Variants in NSL1 observed in about 807,000 individuals in gnomAD.
The protein encoded by NSL1 is NSL1 component of MIS12 kinetochore complex.
Under a neutral mutation model 25.4 loss-of-function variants are expected in NSL1, and 11 were observed. The ratio of observed to expected loss-of-function variants is 0.43; its 90% CI spans 0.27 to 0.72. NSL1 has a LOEUF of 0.72. NSL1 is among the 30% of genes least tolerant of loss of function. NSL1 has a pLI of 0.19. For synonymous variants in NSL1, 118 were observed against 120.6 expected (o/e 0.98, Z 0.14); for missense variants, 330 against 342.7 (o/e 0.96, Z 0.29).
At position 212,727,304 on chromosome 1, in the gene NSL1, A is replaced by G. The variant is rs559385412; in HGVS notation, c.*11104T>C. On this transcript the variant is annotated 3_prime_UTR_variant, in exon 6 of 6. Transcript: ENST00000366977. Reference sequence around the variant, plus strand: ...CAACCCTTTGTTCCAGGCAGGGCCCAGGATCCCCTTCCAAATTACTGAGGG... The same window carrying G: ...CAACCCTTTGTTCCAGGCAGGGCCCGGGATCCCCTTCCAAATTACTGAGGG... The G allele has an allele frequency of 1.6e-5, 21 of 1,300,276 alleles. No individual in the cohort carries two copies. In the African/African-American group the frequency reaches 3.1e-4, roughly 19 times the overall value. The allele number at this position is 1,300,276 out of a possible 1,614,324, so 80.5% of individuals were successfully genotyped here. A position where few individuals can be genotyped will look rare whatever the true frequency, so the allele number is the denominator to read the frequency against.
At chr1:212,756,906 G>A (rs551514711) in intron 4 of NSL1, among the ~76,000 whole-genome samples, 1 of 152,292 alleles carries the variant, frequency 6.6e-6, no homozygotes, top group South Asian at 2.1e-4. Flanking sequence ...TGTGGGGAGG[G>A]AAGAGGAAAA....
intron 3 of NSL1, among the ~76,000 whole-genome samples, chr1:212,782,801 A>G (rs368186980): frequency 1.4e-4 from 21 of 152,234 alleles, no homozygotes; most frequent in Non-Finnish European, 2.1e-4. Context: ...CTCAAAATGC[A>G]TATTTCCATG....
chr1:212,773,852 C>T (rs1208999260), intron 4 of NSL1, among the ~76,000 whole-genome samples: 1 of 151,542 alleles, frequency 6.6e-6, no homozygotes, highest in East Asian at 1.9e-4. Context: ...AATACTATTC[C>T]ATCATAAAAA....
chr1:212,764,843 C>CAAAAAAAAAAAA (rs3086471), intron 4 of NSL1, among the ~76,000 whole-genome samples: 6 of 38,876 alleles, frequency 1.5e-4, no homozygotes, highest in East Asian at 1.0e-3. Flanking sequence ...AAGACTGTCT[C>CAAAAAAAAAAAA]AAAAAAAAAA....
chr1:212,739,918 TTAAA>T (rs1273368414), intron 4 of NSL1, among the ~76,000 whole-genome samples: 2 of 152,196 alleles, frequency 1.3e-5, no homozygotes, highest in South Asian at 2.1e-4. Flanking sequence ...CATCACATTT[TTAAA>T]TAAATACTTT....
At chr1:212,742,177 A>G (rs1163585472) in intron 4 of NSL1, among the ~76,000 whole-genome samples, 2 of 152,218 alleles carry the variant, frequency 1.3e-5, no homozygotes, top group Non-Finnish European at 2.9e-5. Flanking sequence ...TATGTACTTA[A>G]TATGTTTAAA....
intron 4 of NSL1, among the ~76,000 whole-genome samples, chr1:212,778,884 T>C (rs1355234800): frequency 6.6e-6 from 1 of 150,396 alleles, no homozygotes; most frequent in Non-Finnish European, 1.5e-5. Flanking sequence ...GAGGAGCCCC[T>C]CTGCCCGGCT....
Position 212,761,080 on chromosome 1 carries a change from T to C in NSL1, c.499+21292A>G, listed in dbSNP as rs73081859. ...CACCCTACCCAATCAATATTATAGA[T>C]ACAACTACAGGCAAAAGTCTTTTCC... On this transcript the variant is annotated intron_variant, in intron 4 of 5. Transcript: ENST00000366977. 5.3e-3 allele frequency among the ~76,000 whole-genome samples: 800 copies of C among 152,312 alleles called. 5 individuals carry two copies. Among genetic ancestry groups the C allele is most frequent in the African/African-American group, 0.018 (763 of 41,568 alleles).
Position 212,735,883 on chromosome 1 carries a change from C to T in NSL1, c.*2525G>A. 1.1e-6 allele frequency: 1 copy of T among 912,816 alleles called. No individual in the cohort carries two copies. The highest frequency in any genetic ancestry group is 1.8e-5 in the African/African-American group (1 of 55,846). 56.5% of individuals were successfully genotyped at this position (912,816 alleles called of 1,614,324 possible). ...TCTCATGGACTTCTAGCCTCCAGAA[C>T]TGTGAGAAGTAAGTATCTGTTGTTT... is the stretch of plus-strand genomic sequence containing the variant. On this transcript the variant is annotated 3_prime_UTR_variant, in exon 6 of 6. Transcript: ENST00000366977.
At position 212,731,727 on chromosome 1, in the gene NSL1, C is replaced by T. The variant is rs1213006525; in HGVS notation, c.*6681G>A. ...CAGCTTTTTAGACATCCACTGACTTCCAGTTGTGGTGGGTGAAGATTTCAC... is the reference window on the plus strand; with the variant it reads ...CAGCTTTTTAGACATCCACTGACTTTCAGTTGTGGTGGGTGAAGATTTCAC... On this transcript the variant is annotated 3_prime_UTR_variant, in exon 6 of 6. Coordinates refer to ENST00000366977, the MANE Select transcript of NSL1 (RefSeq NM_015471.4). 2 of 985,270 alleles carry T rather than the reference C, an allele frequency of 2.0e-6. No homozygotes were observed. Among genetic ancestry groups the T allele is most frequent in the African/African-American group, 3.5e-5 (2 of 57,230 alleles). 61.0% of individuals were successfully genotyped at this position (985,270 alleles called of 1,614,324 possible).
chr1:212,738,577 C>T lies in NSL1; in HGVS notation c.677G>A (p.Arg226Lys). The change falls in exon 6 of 6, where the codon AGG (arginine) becomes AAG (lysine). Residue 226 changes from arginine (R) to lysine (K), a missense_variant. Physicochemically the swap from Arg to Lys is conservative, Grantham distance 26 (BLOSUM62 2). Transcript: ENST00000366977. ...GTTCTCAGGTTTAGCATCTGGTTTCCTATGACAACTGGAAAAGACTTCTTG... is the reference window on the plus strand; with the variant it reads ...GTTCTCAGGTTTAGCATCTGGTTTCTTATGACAACTGGAAAAGACTTCTTG... The part of the protein sequence containing the change: ...IHQEVFSSCH[R>K]KPDAKPENFI... 6.2e-7 allele frequency: 1 copy of T among 1,614,100 alleles called. No homozygotes were observed. Among genetic ancestry groups the T allele is most frequent in the Non-Finnish European group, 8.5e-7 (1 of 1,180,008 alleles).
At position 212,760,594 on chromosome 1, in the gene NSL1, G is replaced by T. The variant is rs1398884751; in HGVS notation, c.500-20993C>A. ...GACCCCCCTAAATGTGCTCTGGGGG[G>T]ACTGGCCAGCCCAGTCCATTGCCAC... On this transcript the variant is annotated intron_variant, in intron 4 of 5. Transcript: ENST00000366977. This position sits in a 1 kb window ranked among gnomAD's most constrained non-coding sequence, Gnocchi z 4.3. Among the ~76,000 whole-genome samples the T allele has an allele frequency of 1.3e-5, 2 of 151,996 alleles. No homozygotes were observed. The highest frequency in any genetic ancestry group is 3.9e-4 in the East Asian group (2 of 5,164).
chr1:212,765,733 A>T (rs1263321104), intron 4 of NSL1, among the ~76,000 whole-genome samples: 1 of 151,850 alleles, frequency 6.6e-6, no homozygotes, highest in African/African-American at 2.4e-5. Context: ...TTGAACCTGG[A>T]AAGTGGAGGC....
chr1:212,787,801 T>C (rs3820679), intron 1 of NSL1, among the ~76,000 whole-genome samples, 164 bp from the exon 2 acceptor site: 61,166 of 152,056 alleles, frequency 0.4, 13,948 homozygotes, highest in Non-Finnish European at 0.51. Context: ...ACTTCAATCA[T>C]TGATTCTACC....
intron 4 of NSL1, among the ~76,000 whole-genome samples, chr1:212,762,684 C>T (rs1659631647): frequency 6.6e-6 from 1 of 152,216 alleles, no homozygotes; most frequent in Non-Finnish European, 1.5e-5. Flanking sequence ...TCCCCACCTG[C>T]AAGTCTGAAA....
At chr1:212,773,462 C>G (rs1375019703) in intron 4 of NSL1, among the ~76,000 whole-genome samples, 1 of 151,982 alleles carries the variant, frequency 6.6e-6, no homozygotes, top group Admixed American at 6.6e-5. Flanking sequence ...CAGGGAAATG[C>G]AAATCAAAAT....
In NSL1 at chr1:212,727,363, A is replaced by G. The variant is rs1657831672; in HGVS notation, c.*11045T>C. 7.1e-6 allele frequency: 7 copies of G among 985,304 alleles called. No homozygotes were observed. Among genetic ancestry groups the G allele is most frequent in the Non-Finnish European group, 8.4e-6 (7 of 829,906 alleles). 61.0% of individuals were successfully genotyped at this position (985,304 alleles called of 1,614,324 possible). On this transcript the variant is annotated 3_prime_UTR_variant, in exon 6 of 6. Transcript: ENST00000366977. ...TCCTGGCACTCAGCACATGGCAGGA[A>G]GGTCACTTAACCAGGGAAATAAGTA...
chr1:212,766,140 AAAAAAAAAC>A, intron 4 of NSL1: 1 of 528,552 alleles, frequency 1.9e-6, no homozygotes, highest in Non-Finnish European at 3.4e-6. Context: ...CATCTCAAAA[AAAAAAAAAC>A]AAAAAAACCC....
In NSL1 at chr1:212,736,483, T is replaced by C. The variant is rs1658236598; in HGVS notation, c.*1925A>G. The C allele has an allele frequency of 1.0e-6, 1 of 985,422 alleles. No homozygotes were observed. Among genetic ancestry groups the C allele is most frequent in the Non-Finnish European group, 1.2e-6 (1 of 829,880 alleles). The allele number at this position is 985,422 out of a possible 1,614,324, so 61.0% of individuals were successfully genotyped here. On this transcript the variant is annotated 3_prime_UTR_variant, in exon 6 of 6. Transcript: ENST00000366977. ...CCTTAGCTTACTAGTTCTTGGCCTA[T>C]GCAGAAATGCAACTTCTCCTCTTAC...
Sources: gnomAD v4.1 joint callset for allele counts (sites outside exome capture counted in the v4.1 genomes callset) on GRCh38, gnomAD v4.1.1 for gene constraint, Gnocchi (gnomAD v3.1) non-coding constraint, MANE v1.5 for transcripts, NCBI Gene and HGNC (gene_info 2026-07-23, HGNC 2026-07-21) for gene names.